DMD: variants seen among roughly 807,000 people sequenced by gnomAD.
DMD encodes mutant dystrophin.
DMD carries 63 observed loss-of-function variants against 330.1 expected under a neutral mutation model. That is an observed-to-expected ratio of 0.19 (90% CI 0.16 to 0.24). The LOEUF is 0.24. Ranked by LOEUF, DMD falls within the 10% of genes least tolerant of loss-of-function variation. The pLI is 1.00. For missense variants in DMD, 3,344 were observed against 2,684.1 expected, an observed-to-expected ratio of 1.25 and a Z score of -5.43; for synonymous variants, 1,223 against 959.8, an observed-to-expected ratio of 1.27 and a Z score of -5.07.
chrX:31,337,727 T>G (rs756774022), intron 61 of DMD, among the ~76,000 whole-genome samples: 1 of 112,003 alleles, frequency 8.9e-6, no homozygotes, highest in African/African-American at 3.2e-5. Flanking sequence ...GTTATAAAAC[T>G]GATTCAGAAC....
intron 55 of DMD, among the ~76,000 whole-genome samples, chrX:31,615,278 A>C (rs1190561613): frequency 8.9e-6 from 1 of 112,098 alleles, no homozygotes; most frequent in East Asian, 2.8e-4. Flanking sequence ...TGGAGATCAA[A>C]GAAAGTTGGC....
intron 7 of DMD, among the ~76,000 whole-genome samples, chrX:32,784,216 C>T (rs967119618): frequency 2.7e-5 from 3 of 111,681 alleles, no homozygotes; most frequent in Admixed American, 9.6e-5. Flanking sequence ...AGAGAAGCAG[C>T]GTTTCTATAG....
intron 1 of DMD, among the ~76,000 whole-genome samples, chrX:33,190,885 TAATATTATATATTATATAATATATA>T (rs2050523429): frequency 1.5e-4 from 2 of 13,020 alleles, no homozygotes; most frequent in Non-Finnish European, 1.2e-4. Flanking sequence ...ATATAATATA[TAATATTATATATTATATAATATATA>T]ATATTATATA....
intron 29 of DMD, among the ~76,000 whole-genome samples, chrX:32,420,070 G>T (rs1344943018): frequency 9.0e-6 from 1 of 111,684 alleles, no homozygotes; most frequent in African/African-American, 3.3e-5. Flanking sequence ...CATAAAATAA[G>T]TCTACAGGAT....
chrX:32,996,661 T>C (rs2093128701), intron 2 of DMD, among the ~76,000 whole-genome samples: 1 of 110,391 alleles, frequency 9.1e-6, no homozygotes, highest in African/African-American at 3.3e-5. Context: ...CTACCAAAAA[T>C]AAAAAATTAG....
At chrX:32,595,709 T>C (rs1377426489) in intron 13 of DMD, 48 bp downstream of exon 13, 5 of 1,159,655 alleles carry the variant, frequency 4.3e-6, no homozygotes, top group Non-Finnish European at 2.4e-6. Context: ...TTTCAAGTTA[T>C]AGTTCTTTTA....
In DMD at chrX:31,719,139, G is replaced by GA. The variant is rs749090439; in HGVS notation, c.7660+10491dup. Reference sequence around the variant, plus strand: ...TTTCCTGACTTCTAGTTTTATATGAGAAAAAAGCTCCTGTTTGTTTTAGCC... The same window carrying GA: ...TTTCCTGACTTCTAGTTTTATATGAGAAAAAAAGCTCCTGTTTGTTTTAGCC... On this transcript the variant is annotated intron_variant, in intron 52 of 78. Transcript: ENST00000357033. Among the ~76,000 whole-genome samples, 387 of 111,505 alleles carry GA rather than the reference G, an allele frequency of 3.5e-3. 1 individual carries two copies. Among genetic ancestry groups the GA allele is most frequent in the African/African-American group, 0.011 (336 of 30,695 alleles).
At chrX:32,071,273 T>G (rs965871075) in intron 44 of DMD, among the ~76,000 whole-genome samples, 5 of 110,144 alleles carry the variant, frequency 4.5e-5, no homozygotes, top group African/African-American at 1.7e-4. Flanking sequence ...TAGTTTACAG[T>G]CCCACCAACA....
intron 12 of DMD, among the ~76,000 whole-genome samples, chrX:32,597,564 C>G (rs1177005811): frequency 2.7e-5 from 3 of 111,763 alleles, no homozygotes; most frequent in Non-Finnish European, 5.6e-5. Flanking sequence ...CAACTGAACC[C>G]TAGGATAAAA....
At position 31,928,247 on chromosome X, in the gene DMD, G is replaced by A. The variant is rs532235535; in HGVS notation, c.6912+1349C>T. Among the ~76,000 whole-genome samples, 43 of 111,470 alleles carry A rather than the reference G, an allele frequency of 3.9e-4. No individual in the cohort carries two copies. The South Asian group carries it at 0.014, about 36-fold the overall frequency. On this transcript the variant is annotated intron_variant, in intron 47 of 78. Coordinates refer to ENST00000357033, the MANE Select transcript of DMD (RefSeq NM_004006.3). ...AGAAAGTAGTCCAGAGGCTACTAGC[G>A]GATGGGAAGAGAGAGAAAGGGGAAC...
intron 2 of DMD, among the ~76,000 whole-genome samples, chrX:33,009,080 ATGTG>A (rs1290688774): frequency 3.4e-4 from 13 of 38,226 alleles, no homozygotes; most frequent in Non-Finnish European, 8.0e-4. Context: ...ATATACATAT[ATGTG>A]TATATATACG....
chrX:32,622,831 T>C (rs777761498), intron 11 of DMD, among the ~76,000 whole-genome samples: 8 of 111,965 alleles, frequency 7.1e-5, no homozygotes, highest in African/African-American at 2.6e-4. Flanking sequence ...GTGATTCTGA[T>C]TTAAATTCAC....
intron 1 of DMD, among the ~76,000 whole-genome samples, chrX:33,273,304 A>C (rs773200069): frequency 2.4e-4 from 27 of 112,732 alleles, no homozygotes; most frequent in African/African-American, 8.7e-4. Flanking sequence ...ATTTTTTAAA[A>C]AAGAAGCATT....
intron 1 of DMD, among the ~76,000 whole-genome samples, chrX:33,138,853 G>C (rs2047650836): frequency 9.0e-6 from 1 of 110,759 alleles, no homozygotes; most frequent in Non-Finnish European, 1.9e-5. Flanking sequence ...TTGATGTTTC[G>C]CATATCTGAT....
At chrX:31,431,908 G>A (rs1210841676) in intron 60 of DMD, among the ~76,000 whole-genome samples, 2 of 109,653 alleles carry the variant, frequency 1.8e-5, no homozygotes, top group Admixed American at 9.8e-5. Context: ...TCCACCTCCC[G>A]GGTTCAAGTG....
At chrX:32,806,033 C>T (rs1158868076) in intron 7 of DMD, among the ~76,000 whole-genome samples, 1 of 111,503 alleles carries the variant, frequency 9.0e-6, no homozygotes, top group African/African-American at 3.3e-5. Context: ...AACTAACAAG[C>T]AAAATAACCA....
chrX:32,287,444 C>A, intron 43 of DMD, 85 bp downstream of exon 43: 1 of 929,795 alleles, frequency 1.1e-6, no homozygotes, highest in Non-Finnish European at 1.5e-6. Flanking sequence ...GTCTTTTTTC[C>A]ATGGAGGGTA....
At chrX:31,430,959 T>C (rs374853532) in intron 60 of DMD, among the ~76,000 whole-genome samples, 58 of 107,860 alleles carry the variant, frequency 5.4e-4, no homozygotes, top group Non-Finnish European at 6.9e-4. Flanking sequence ...CCTGCCACCA[T>C]GCCCGGCTAA....
chrX:32,197,874 G>A (rs2097014093), intron 44 of DMD, among the ~76,000 whole-genome samples: 1 of 110,847 alleles, frequency 9.0e-6, no homozygotes, highest in Non-Finnish European at 1.9e-5. Context: ...AGTAATTTTC[G>A]AAAACATATT....
Sources: allele counts gnomAD v4.1 joint callset (sites outside exome capture counted in the v4.1 genomes callset), GRCh38; gene constraint gnomAD v4.1.1; transcripts MANE v1.5; gene names NCBI Gene and HGNC (gene_info 2026-07-23, HGNC 2026-07-21).